The following PXDNL variants were observed in gnomAD, a reference collection of about 807,000 sequenced individuals.
The protein encoded by PXDNL is probable oxidoreductase PXDNL.
In PXDNL, 145 loss-of-function variants were observed where a neutral mutation model predicts 150.8. The observed-to-expected ratio is 0.96, with a 90% CI of 0.84 to 1.10. The LOEUF (loss-of-function observed/expected upper bound fraction) is 1.10. Ranked by LOEUF, PXDNL falls within the 50% of genes least tolerant of loss-of-function variation. PXDNL has a pLI of 0.00. For synonymous variants in PXDNL, 757 were observed against 725.7 expected, an observed-to-expected ratio of 1.04 and a Z score of -0.69; for missense variants, 2,087 against 1,873.9, an observed-to-expected ratio of 1.11 and a Z score of -2.10.
chr8:51,356,836 T>C (rs1159498697), intron 19 of PXDNL, among the ~76,000 whole-genome samples: 2 of 152,176 alleles, frequency 1.3e-5, no homozygotes, highest in Admixed American at 1.3e-4. Context: ...CAGCTACGCC[T>C]CTGTCGGAGC....
chr8:51,768,736 A>G (rs1272702688), intron 1 of PXDNL, among the ~76,000 whole-genome samples: 1 of 152,242 alleles, frequency 6.6e-6, no homozygotes, highest in African/African-American at 2.4e-5. Context: ...TACAAAACAC[A>G]GAAGTGTGGT....
chr8:51,438,444 T>A (rs1420320393), intron 12 of PXDNL, among the ~76,000 whole-genome samples: 3 of 152,126 alleles, frequency 2.0e-5, no homozygotes, highest in African/African-American at 7.2e-5. Flanking sequence ...CAATAAAGCA[T>A]GGAACTGTTA....
chr8:51,700,454 C>T (rs1165858496), intron 1 of PXDNL, among the ~76,000 whole-genome samples: 1 of 151,972 alleles, frequency 6.6e-6, no homozygotes, highest in Non-Finnish European at 1.5e-5. Context: ...CATATATACA[C>T]ACATATATCT....
intron 4 of PXDNL, among the ~76,000 whole-genome samples, chr8:51,500,876 CAGTT>C (rs1428436171): frequency 6.6e-6 from 1 of 152,084 alleles, no homozygotes; most frequent in Non-Finnish European, 1.5e-5. Context: ...TATTTCATCA[CAGTT>C]AGAAATATTT....
chr8:51,482,756 C>T (rs559752168), intron 6 of PXDNL, among the ~76,000 whole-genome samples: 1 of 152,312 alleles, frequency 6.6e-6, no homozygotes, highest in South Asian at 2.1e-4. Context: ...TTCCTTTGCT[C>T]TCTCTTCATC....
chr8:51,339,423 A>G (rs1448135923), intron 21 of PXDNL, among the ~76,000 whole-genome samples: 1 of 152,198 alleles, frequency 6.6e-6, no homozygotes, highest in Non-Finnish European at 1.5e-5. Context: ...TTGTGCTACT[A>G]CATTCCATCC....
chr8:51,355,354 T>C (rs946305419), intron 19 of PXDNL, among the ~76,000 whole-genome samples: 2 of 152,220 alleles, frequency 1.3e-5, no homozygotes, highest in Non-Finnish European at 2.9e-5. Context: ...TAAAATATAC[T>C]GTATTTACAA....
chr8:51,760,525 A>G (rs930571190), intron 1 of PXDNL, among the ~76,000 whole-genome samples: 96 of 152,270 alleles, frequency 6.3e-4, no homozygotes, highest in African/African-American at 2.3e-3. Context: ...TTGCTGTTTG[A>G]TGAAGTGCTT....
At chr8:51,361,962 A>AAAAAAAG (rs1554529506) in intron 19 of PXDNL, among the ~76,000 whole-genome samples, 2 of 148,380 alleles carry the variant, frequency 1.3e-5, no homozygotes, top group Non-Finnish European at 3.0e-5. Flanking sequence ...AAAAAAAAAA[A>AAAAAAAG]AAAGAAAAGA....
At chr8:51,595,706 T>C (rs893823466) in intron 2 of PXDNL, among the ~76,000 whole-genome samples, 1 of 152,054 alleles carries the variant, frequency 6.6e-6, no homozygotes, top group African/African-American at 2.4e-5. Context: ...ATTTGCATAG[T>C]CACCAAGCAA....
At chr8:51,622,837 AGCTCCTGC>A (rs1814284429) in intron 2 of PXDNL, among the ~76,000 whole-genome samples, 1 of 152,150 alleles carries the variant, frequency 6.6e-6, no homozygotes, top group Admixed American at 6.5e-5. Flanking sequence ...CTCTGGCCGG[AGCTCCTGC>A]GCTCATTCTG....
chr8:51,727,704 C>T (rs1437761355), intron 1 of PXDNL, among the ~76,000 whole-genome samples: 4 of 152,124 alleles, frequency 2.6e-5, no homozygotes, highest in Non-Finnish European at 5.9e-5. Flanking sequence ...AACAGTCAAG[C>T]ACCAGGTTAG....
intron 2 of PXDNL, among the ~76,000 whole-genome samples, chr8:51,644,459 T>A (rs1258403953): frequency 6.8e-6 from 1 of 147,424 alleles, no homozygotes; most frequent in Non-Finnish European, 1.5e-5. Context: ...TGGGTTGTTT[T>A]TGTTTTTGTT....
chr8:51,792,724 A>T (rs912982969), intron 1 of PXDNL, among the ~76,000 whole-genome samples: 3 of 152,176 alleles, frequency 2.0e-5, no homozygotes, highest in Non-Finnish European at 4.4e-5. Flanking sequence ...CATTGTGGCC[A>T]GACAGCCTCT....
At chr8:51,473,297 A>ACACG (rs1554544070) in intron 7 of PXDNL, among the ~76,000 whole-genome samples, 1 of 151,740 alleles carries the variant, frequency 6.6e-6, no homozygotes, top group Non-Finnish European at 1.5e-5. Context: ...ACACACACAC[A>ACACG]CACACACACA....
intron 12 of PXDNL, chr8:51,435,942 A>G: frequency 4.0e-6 from 2 of 502,818 alleles, no homozygotes; most frequent in Non-Finnish European, 8.0e-6. Flanking sequence ...GAAAAACTGT[A>G]ATAAATGCAT....
chr8:51,554,312 G>A (rs1812557554), intron 4 of PXDNL, among the ~76,000 whole-genome samples: 1 of 152,162 alleles, frequency 6.6e-6, no homozygotes, highest in South Asian at 2.1e-4. Context: ...GGCATGCTGA[G>A]CTGCTCTCTT....
At chr8:51,470,153 G>A (rs1169628577) in intron 8 of PXDNL, among the ~76,000 whole-genome samples, 2 of 152,018 alleles carry the variant, frequency 1.3e-5, no homozygotes, top group African/African-American at 2.4e-5. Context: ...TACAAGCAGC[G>A]ATTTCTGTTT....
chr8:51,606,597 G>A (rs964335265), intron 2 of PXDNL, among the ~76,000 whole-genome samples: 6 of 151,872 alleles, frequency 4.0e-5, no homozygotes, highest in Non-Finnish European at 5.9e-5. Context: ...CTGCCCAACT[G>A]AAATATAATC....
Sources: allele counts gnomAD v4.1 joint callset (sites outside exome capture counted in the v4.1 genomes callset), GRCh38; gene constraint gnomAD v4.1.1; transcripts MANE v1.5; gene names NCBI Gene and HGNC (gene_info 2026-07-23, HGNC 2026-07-21).